PLEKHA5: variants seen among roughly 807,000 people sequenced by gnomAD.
PLEKHA5 encodes the protein pleckstrin homology domain containing A5.
PLEKHA5 carries 55 observed loss-of-function variants against 181.9 expected under a neutral mutation model. The ratio of observed to expected loss-of-function variants is 0.30; its 90% CI spans 0.24 to 0.38. The LOEUF is 0.38. Among genes scored for constraint, PLEKHA5 ranks in the 10% least tolerant of loss-of-function variants. The pLI is 1.00. For missense variants in PLEKHA5, 1,432 were observed against 1,549.5 expected (o/e 0.92, Z 1.27); for synonymous variants, 535 against 529.4 (o/e 1.01, Z -0.15).
intron 3 of PLEKHA5, among the ~76,000 whole-genome samples, chr12:19,248,282 C>G (rs1191154842): frequency 6.6e-6 from 1 of 152,212 alleles, no homozygotes; most frequent in African/African-American, 2.4e-5. Context: ...ACTGCAGCCT[C>G]TGCCTCTTGG....
chr12:19,154,825 TA>T (rs2041300162), intron 3 of PLEKHA5, among the ~76,000 whole-genome samples: 5 of 152,248 alleles, frequency 3.3e-5, no homozygotes, highest in Non-Finnish European at 7.3e-5. Flanking sequence ...GCCTTCTAAT[TA>T]CAGTCTGTGA....
intron 3 of PLEKHA5, among the ~76,000 whole-genome samples, chr12:19,215,742 T>G (rs537500370): frequency 6.6e-6 from 1 of 152,322 alleles, no homozygotes; most frequent in South Asian, 2.1e-4. Flanking sequence ...AGGCACTTAA[T>G]AATTGCCAAC....
At chr12:19,317,701 A>G (rs368952606) in intron 16 of PLEKHA5, among the ~76,000 whole-genome samples, 1 of 149,458 alleles carries the variant, frequency 6.7e-6, no homozygotes, top group Non-Finnish European at 1.5e-5. Flanking sequence ...TAATGCCAAG[A>G]CAGTTTATAA....
At chr12:19,304,726 T>G (rs1832086145) in intron 15 of PLEKHA5, among the ~76,000 whole-genome samples, 1 of 150,312 alleles carries the variant, frequency 6.7e-6, no homozygotes, top group Non-Finnish European at 1.5e-5. Flanking sequence ...GTTTTAAATC[T>G]CCACAGGTAG....
chr12:19,367,642 C>T (rs1400239961), intron 30 of PLEKHA5, among the ~76,000 whole-genome samples: 10 of 150,890 alleles, frequency 6.6e-5, no homozygotes, highest in East Asian at 2.0e-4. Flanking sequence ...TGCAGTGGCG[C>T]GATCTCCACT....
intron 3 of PLEKHA5, among the ~76,000 whole-genome samples, chr12:19,181,836 G>C (rs1322832607): frequency 6.6e-6 from 1 of 152,142 alleles, no homozygotes; most frequent in Non-Finnish European, 1.5e-5. Context: ...GTAAGGTAAT[G>C]GGTAATGTCA....
At position 19,327,638 on chromosome 12, in the gene PLEKHA5, TTTTTTC is replaced by T. The variant is rs200203761; in HGVS notation, c.2448+4977_2448+4982del. Among the ~76,000 whole-genome samples the T allele has an allele frequency of 4.6e-3, 660 of 143,652 alleles. 5 individuals are homozygous for T. Among genetic ancestry groups the T allele is most frequent in the Non-Finnish European group, 6.0e-3 (389 of 64,756 alleles). The allele number at this position is 143,652 out of a possible 152,430, so 94.2% of individuals were successfully genotyped here. The stretch of plus-strand genomic sequence containing the variant: ...TGTTTTTGTTGCTATTACTTTTTTC[TTTTTTC>T]TTTTTTTTTTTTTTTTCTGAGACAG... On this transcript the variant is annotated intron_variant, in intron 20 of 31. Coordinates refer to ENST00000429027, the MANE Select transcript of PLEKHA5 (RefSeq NM_001256470.2).
At chr12:19,249,164 C>G (rs2064568879) in intron 3 of PLEKHA5, among the ~76,000 whole-genome samples, 1 of 152,144 alleles carries the variant, frequency 6.6e-6, no homozygotes, top group Non-Finnish European at 1.5e-5. Context: ...AAGACCCCAT[C>G]TCTGTTTTTT....
intron 6 of PLEKHA5, among the ~76,000 whole-genome samples, chr12:19,260,292 T>C (rs1462383592): frequency 3.3e-5 from 5 of 152,236 alleles, no homozygotes; most frequent in African/African-American, 1.2e-4. Context: ...ATTTATTAAA[T>C]CTGGTTTACC....
chr12:19,303,880 A>G (rs911183805), intron 15 of PLEKHA5: 2 of 136,272 alleles, frequency 1.5e-5, no homozygotes, highest in East Asian at 2.2e-4. Flanking sequence ...TGCAGTGGCA[A>G]TCATGGCTCA....
intron 3 of PLEKHA5, among the ~76,000 whole-genome samples, chr12:19,137,954 G>A (rs1275077981): frequency 6.6e-6 from 1 of 152,212 alleles, no homozygotes; most frequent in African/African-American, 2.4e-5. Context: ...ACACTTTCTG[G>A]ATTTGTCAAG....
At chr12:19,308,624 A>C (rs1320959281) in intron 15 of PLEKHA5, among the ~76,000 whole-genome samples, 1 of 152,182 alleles carries the variant, frequency 6.6e-6, no homozygotes, top group Non-Finnish European at 1.5e-5. Flanking sequence ...TAGGAAATGC[A>C]CTGACTGCAT....
intron 21 of PLEKHA5, 144 bp from the exon 22 acceptor site, chr12:19,343,179 C>G: frequency 4.1e-6 from 2 of 483,756 alleles, no homozygotes; most frequent in Non-Finnish European, 7.4e-6. Flanking sequence ...TTGGGAGAGT[C>G]ACATCAATCA....
chr12:19,181,562 G>A (rs1421120752), intron 3 of PLEKHA5, among the ~76,000 whole-genome samples: 1 of 152,112 alleles, frequency 6.6e-6, no homozygotes, highest in South Asian at 2.1e-4. Context: ...ATCACTTGAG[G>A]TCAGGAGTTT....
chr12:19,239,902 T>C (rs2062156942), intron 3 of PLEKHA5, among the ~76,000 whole-genome samples: 1 of 152,234 alleles, frequency 6.6e-6, no homozygotes, highest in Non-Finnish European at 1.5e-5. Flanking sequence ...AGACTCTTCA[T>C]GTTTATTTAT....
At position 19,327,505 on chromosome 12, in the gene PLEKHA5, G is replaced by A. The variant is rs1194067451; in HGVS notation, c.2448+4838G>A. The stretch of plus-strand genomic sequence containing the variant: ...AGATTCTGGATATTCAACCTTTGTC[G>A]GATGGGTAGTTTGCGAGTATTTTCT... On this transcript the variant is annotated intron_variant, in intron 20 of 31. Coordinates refer to ENST00000429027, the MANE Select transcript of PLEKHA5 (RefSeq NM_001256470.2). 5.9e-5 allele frequency among the ~76,000 whole-genome samples: 9 copies of A among 151,596 alleles called. No homozygotes were observed. In the South Asian group the frequency reaches 8.3e-4, roughly 14 times the overall value.
At chr12:19,261,705 T>A (rs187201663) in intron 7 of PLEKHA5, among the ~76,000 whole-genome samples, 84 of 152,258 alleles carry the variant, frequency 5.5e-4, no homozygotes, top group African/African-American at 1.9e-3. Flanking sequence ...ACTTTAAACT[T>A]TGGATAATGA....
intron 14 of PLEKHA5, 98 bp downstream of exon 14, chr12:19,290,894 A>T (rs969930842): frequency 2.9e-5 from 30 of 1,026,980 alleles, no homozygotes; most frequent in Non-Finnish European, 3.5e-5. Context: ...GTTGAGCATG[A>T]GCCCATACCA....
chr12:19,354,343 C>G (rs1455583976), intron 26 of PLEKHA5, among the ~76,000 whole-genome samples: 1 of 146,010 alleles, frequency 6.8e-6, no homozygotes, highest in Non-Finnish European at 1.5e-5. Context: ...TTAGTAGAGA[C>G]GGGGTTTCAC....
Sources: allele counts gnomAD v4.1 joint callset (sites outside exome capture counted in the v4.1 genomes callset), GRCh38; gene constraint gnomAD v4.1.1; transcripts MANE v1.5; gene names NCBI Gene and HGNC (gene_info 2026-07-23, HGNC 2026-07-21).